The following FMN2 variants were observed in gnomAD, a reference collection of about 807,000 sequenced individuals.
The protein encoded by FMN2 is formin-2.
A neutral mutation model predicts 142.3 loss-of-function variants in FMN2; 51 were observed. That is an observed-to-expected ratio of 0.36 (90% CI 0.29 to 0.45). The LOEUF (loss-of-function observed/expected upper bound fraction) is 0.45, where lower values mean the gene tolerates loss of function less well. FMN2 is among the 20% of genes least tolerant of loss of function. The pLI is 1.00. For synonymous variants in FMN2, 882 were observed against 869.8 expected (o/e 1.01, Z -0.25); for missense variants, 1,936 against 2,122.8 (o/e 0.91, Z 1.73).
chr1:240,161,005 A>C (rs1664252814), intron 2 of FMN2, among the ~76,000 whole-genome samples: 1 of 152,366 alleles, frequency 6.6e-6, no homozygotes, highest in African/African-American at 2.4e-5. Flanking sequence ...TAATCTAAGA[A>C]GACACTGAAC....
intron 7 of FMN2, among the ~76,000 whole-genome samples, chr1:240,280,373 C>A (rs1436428423): frequency 6.6e-6 from 1 of 151,920 alleles, no homozygotes; most frequent in African/African-American, 2.4e-5. Context: ...AAAGATGATT[C>A]TTATTGGTAT....
At chr1:240,126,440 A>G (rs1662513966) in intron 2 of FMN2, among the ~76,000 whole-genome samples, 1 of 138,236 alleles carries the variant, frequency 7.2e-6, no homozygotes, top group Non-Finnish European at 1.5e-5. Flanking sequence ...TCATCTTTGC[A>G]CTTATGTATG....
chr1:240,380,810 C>G (rs1673201514), intron 14 of FMN2, among the ~76,000 whole-genome samples: 1 of 150,526 alleles, frequency 6.6e-6, no homozygotes. Context: ...AAAAAGTTAC[C>G]TCTTTGAAAC....
chr1:240,450,870 C>G (rs371511200), intron 16 of FMN2, among the ~76,000 whole-genome samples: 1 of 152,098 alleles, frequency 6.6e-6, no homozygotes, highest in Non-Finnish European at 1.5e-5. Context: ...GCACGCAGAC[C>G]GTTCCTAGGG....
At chr1:240,247,148 T>C (rs1447126207) in intron 6 of FMN2, among the ~76,000 whole-genome samples, 1 of 152,212 alleles carries the variant, frequency 6.6e-6, no homozygotes, top group Non-Finnish European at 1.5e-5. Context: ...ATTGTTCCTA[T>C]GTAAAATCTT....
intron 7 of FMN2, among the ~76,000 whole-genome samples, chr1:240,275,645 T>A (rs1289987159): frequency 1.3e-5 from 2 of 152,182 alleles, no homozygotes; most frequent in Non-Finnish European, 2.9e-5. Flanking sequence ...TTTCTGGTTC[T>A]GGGTCCTTGA....
At chr1:240,097,635 G>C (rs1252940892) in intron 1 of FMN2, among the ~76,000 whole-genome samples, 1 of 152,148 alleles carries the variant, frequency 6.6e-6, no homozygotes, top group Non-Finnish European at 1.5e-5. Flanking sequence ...GATTACAGGC[G>C]TGAGCCACCG....
At chr1:240,307,402 A>C (rs1156478190) in intron 8 of FMN2, among the ~76,000 whole-genome samples, 1 of 152,180 alleles carries the variant, frequency 6.6e-6, no homozygotes, top group Non-Finnish European at 1.5e-5. Context: ...TTTTTAATGC[A>C]TCTTGAGTTA....
chr1:240,271,798 A>G (rs879837144), intron 7 of FMN2, among the ~76,000 whole-genome samples: 3 of 152,166 alleles, frequency 2.0e-5, no homozygotes, highest in Non-Finnish European at 4.4e-5. Context: ...ATATAAGTTC[A>G]TTACCTAGAG....
chr1:240,279,052 G>C (rs538059379), intron 7 of FMN2, among the ~76,000 whole-genome samples: 5 of 152,294 alleles, frequency 3.3e-5, no homozygotes, highest in African/African-American at 1.2e-4. Flanking sequence ...AGTGGGGGAA[G>C]AGAAGAGACT....
At position 240,291,166 on chromosome 1, in the gene FMN2, A is replaced by G. The variant is rs145052733; in HGVS notation, c.4154-3656A>G. 3.6e-3 allele frequency among the ~76,000 whole-genome samples: 541 copies of G among 152,234 alleles called. 3 individuals are homozygous for G. The highest frequency in any genetic ancestry group is 0.013 in the African/African-American group (522 of 41,550). On this transcript the variant is annotated intron_variant, in intron 7 of 17. Transcript: ENST00000319653. ...GTAGGTTGTTTAAAGGAAGTGGTAA[A>G]TATCTCCGTTGTTTTAATCCTGGAA...
intron 13 of FMN2, among the ~76,000 whole-genome samples, chr1:240,348,833 ACTGTTT>A: frequency 6.6e-6 from 1 of 152,156 alleles, no homozygotes; most frequent in Admixed American, 6.5e-5. Flanking sequence ...CAATGTTTTT[ACTGTTT>A]CTATGTTTTT....
At chr1:240,156,661 G>C in intron 2 of FMN2, among the ~76,000 whole-genome samples, 1 of 152,158 alleles carries the variant, frequency 6.6e-6, no homozygotes, top group Admixed American at 6.6e-5. Context: ...GTTGGCCCTA[G>C]GATGGTAAGA....
intron 7 of FMN2, among the ~76,000 whole-genome samples, chr1:240,258,458 G>T (rs1668523629): frequency 6.6e-6 from 1 of 152,120 alleles, no homozygotes; most frequent in Non-Finnish European, 1.5e-5. Context: ...CAGAAAGAAG[G>T]AAAGAGAGCT....
intron 7 of FMN2, among the ~76,000 whole-genome samples, chr1:240,280,671 A>T (rs1669364375): frequency 6.6e-6 from 1 of 152,136 alleles, no homozygotes; most frequent in African/African-American, 2.4e-5. Flanking sequence ...TTCAACAGAC[A>T]GTGGATGTTT....
chr1:240,315,362 G>T (rs910893536), intron 8 of FMN2, among the ~76,000 whole-genome samples: 1 of 152,128 alleles, frequency 6.6e-6, no homozygotes, highest in Non-Finnish European at 1.5e-5. Flanking sequence ...GTTTGATAGG[G>T]TCATCAACCT....
intron 6 of FMN2, among the ~76,000 whole-genome samples, chr1:240,215,781 T>A (rs1003054216): frequency 6.6e-6 from 1 of 152,162 alleles, no homozygotes; most frequent in Non-Finnish European, 1.5e-5. Context: ...TGATCTTGGC[T>A]CACTGCAACC....
chr1:240,332,386 A>AAGAG (rs1671410124), intron 11 of FMN2, among the ~76,000 whole-genome samples: 1 of 151,650 alleles, frequency 6.6e-6, no homozygotes, highest in African/African-American at 2.4e-5. Flanking sequence ...AAAAGAAAGA[A>AAGAG]AAGCCCTTTT....
Position 240,299,358 on chromosome 1 carries a change from A to G in FMN2, c.4215+4475A>G, listed in dbSNP as rs554256670. Among the ~76,000 whole-genome samples the G allele has an allele frequency of 2.6e-5, 4 of 152,324 alleles. No homozygotes were observed. In the East Asian group the frequency reaches 7.7e-4, roughly 29 times the overall value. ...AATGTTTTCCTTTTGGTATTATTTT[A>G]TAATTGACAGAAATGAAAATGGTTA... On this transcript the variant is annotated intron_variant, in intron 8 of 17. Transcript: ENST00000319653.
Sources: allele counts gnomAD v4.1 joint callset (sites outside exome capture counted in the v4.1 genomes callset), GRCh38; gene constraint gnomAD v4.1.1; transcripts MANE v1.5; gene names NCBI Gene and HGNC (gene_info 2026-07-23, HGNC 2026-07-21).